CNTNAP2: variants seen among roughly 807,000 people sequenced by gnomAD.
The protein encoded by CNTNAP2 is contactin associated protein 2.
Under a neutral mutation model 155.2 loss-of-function variants are expected in CNTNAP2, and 98 were observed. That is an observed-to-expected ratio of 0.63 (90% CI 0.54 to 0.75). The LOEUF is 0.75. Among genes scored for constraint, CNTNAP2 ranks in the 30% least tolerant of loss-of-function variants. The probability of loss-of-function intolerance (pLI) is 0.00; values close to 1 mark genes in which losing one functional copy is unlikely to be tolerated. For synonymous variants in CNTNAP2, 651 were observed against 631.2 expected (o/e 1.03, Z -0.47); for missense variants, 1,727 against 1,688.1 (o/e 1.02, Z -0.40).
At chr7:147,987,627 G>A (rs2116877855) in intron 15 of CNTNAP2, among the ~76,000 whole-genome samples, 1 of 152,322 alleles carries the variant, frequency 6.6e-6, no homozygotes, top group East Asian at 1.9e-4. Flanking sequence ...GAAGTCCTGA[G>A]AATGTGTGCC....
At chr7:147,798,066 T>C (rs1180088541) in intron 13 of CNTNAP2, among the ~76,000 whole-genome samples, 1 of 152,198 alleles carries the variant, frequency 6.6e-6, no homozygotes, top group Non-Finnish European at 1.5e-5. Context: ...AATGCGTTAG[T>C]AGGGCATATA....
In CNTNAP2 at chr7:148,203,669, C is replaced by T. The variant is rs1228234054; in HGVS notation, c.3011-13619C>T. On this transcript the variant is annotated intron_variant, in intron 18 of 23. Coordinates refer to ENST00000361727, the MANE Select transcript of CNTNAP2 (RefSeq NM_014141.6). ...CTGAAGCACAAGAATCGCTTGAACC[C>T]GGTAGGCAGAGGTTGCAGTGAGCCA... Among the ~76,000 whole-genome samples, 6 of 152,070 alleles carry T rather than the reference C, an allele frequency of 3.9e-5. No homozygotes were observed. The East Asian group carries it at 7.7e-4, about 20-fold the overall frequency.
intron 16 of CNTNAP2, among the ~76,000 whole-genome samples, chr7:148,137,561 T>C (rs990841075): frequency 2.0e-5 from 3 of 151,650 alleles, no homozygotes; most frequent in Non-Finnish European, 2.9e-5. Context: ...ACTCGGGAGG[T>C]TGAGGCAGGA....
chr7:146,256,816 A>T, intron 1 of CNTNAP2, among the ~76,000 whole-genome samples: 1 of 152,142 alleles, frequency 6.6e-6, no homozygotes, highest in African/African-American at 2.4e-5. Flanking sequence ...TTGAAATATC[A>T]AATAAAATGT....
chr7:146,449,641 CA>C (rs1211185280), intron 1 of CNTNAP2, among the ~76,000 whole-genome samples: 2 of 152,072 alleles, frequency 1.3e-5, no homozygotes, highest in African/African-American at 4.8e-5. Flanking sequence ...ATCACAAACA[CA>C]TATGTGATAA....
At chr7:146,831,357 T>A (rs1404180535) in intron 2 of CNTNAP2, among the ~76,000 whole-genome samples, 1 of 152,096 alleles carries the variant, frequency 6.6e-6, no homozygotes, top group African/African-American at 2.4e-5. Flanking sequence ...TCCTTGGGGT[T>A]ATAATCTGAA....
At chr7:147,618,731 A>T (rs943068235) in intron 12 of CNTNAP2, among the ~76,000 whole-genome samples, 5 of 150,730 alleles carry the variant, frequency 3.3e-5, no homozygotes, top group Admixed American at 2.0e-4. Context: ...ACACACACAC[A>T]CTTATACGAT....
intron 1 of CNTNAP2, among the ~76,000 whole-genome samples, chr7:146,711,737 A>G (rs1361398169): frequency 6.8e-6 from 1 of 146,042 alleles, no homozygotes; most frequent in African/African-American, 2.4e-5. Flanking sequence ...ATGTATACAT[A>G]TATAGTATAC....
chr7:147,697,658 A>G (rs1183498628), intron 13 of CNTNAP2, among the ~76,000 whole-genome samples: 1 of 152,174 alleles, frequency 6.6e-6, no homozygotes, highest in African/African-American at 2.4e-5. Flanking sequence ...AGTTTCCGCC[A>G]ACCCCTTTAC....
chr7:146,996,653 A>G (rs1798312751), intron 3 of CNTNAP2, among the ~76,000 whole-genome samples: 1 of 152,130 alleles, frequency 6.6e-6, no homozygotes, highest in South Asian at 2.1e-4. Flanking sequence ...TGTCAGCTGC[A>G]AACAAGGATA....
intron 13 of CNTNAP2, among the ~76,000 whole-genome samples, chr7:147,882,250 C>T (rs1799533718): frequency 1.3e-5 from 2 of 152,100 alleles, no homozygotes; most frequent in Admixed American, 1.3e-4. Context: ...AGAAATGGAA[C>T]GTTATGATCA....
At chr7:146,540,036 C>A (rs1210831942) in intron 1 of CNTNAP2, among the ~76,000 whole-genome samples, 1 of 151,946 alleles carries the variant, frequency 6.6e-6, no homozygotes, top group Non-Finnish European at 1.5e-5. Context: ...ATTTTTAAGG[C>A]GTCTTGCAAG....
At chr7:147,023,609 C>A (rs1798852332) in intron 3 of CNTNAP2, among the ~76,000 whole-genome samples, 1 of 152,146 alleles carries the variant, frequency 6.6e-6, no homozygotes, top group African/African-American at 2.4e-5. Context: ...CCCTAGCAAC[C>A]ACTAATTTCT....
At chr7:147,786,779 G>A (rs889278088) in intron 13 of CNTNAP2, among the ~76,000 whole-genome samples, 1 of 152,102 alleles carries the variant, frequency 6.6e-6, no homozygotes, top group African/African-American at 2.4e-5. Context: ...ACCAGCCTGG[G>A]CCACACTGCA....
chr7:147,469,751 C>T (rs1039855513), intron 10 of CNTNAP2, among the ~76,000 whole-genome samples: 4 of 151,936 alleles, frequency 2.6e-5, no homozygotes, highest in Admixed American at 6.6e-5. Context: ...ATCTCCTGAC[C>T]TCGTGATCCG....
At chr7:146,774,865 A>G (rs1802360994) in intron 2 of CNTNAP2, among the ~76,000 whole-genome samples, 1 of 152,194 alleles carries the variant, frequency 6.6e-6, no homozygotes, top group Non-Finnish European at 1.5e-5. Flanking sequence ...AAATCTGTGT[A>G]AAAAATCGTT....
intron 9 of CNTNAP2, among the ~76,000 whole-genome samples, chr7:147,370,820 TA>T (rs1344665829): frequency 6.6e-6 from 1 of 152,178 alleles, no homozygotes; most frequent in African/African-American, 2.4e-5. Context: ...CTTATTTTTT[TA>T]ATTAGAAATT....
chr7:146,239,149 T>C (rs1308582612), intron 1 of CNTNAP2, among the ~76,000 whole-genome samples: 3 of 152,220 alleles, frequency 2.0e-5, no homozygotes, highest in African/African-American at 7.2e-5. Context: ...ATGATTACTC[T>C]TAAATTAGTA....
intron 1 of CNTNAP2, among the ~76,000 whole-genome samples, chr7:146,732,639 C>T (rs1439443702): frequency 6.6e-6 from 1 of 152,066 alleles, no homozygotes; most frequent in African/African-American, 2.4e-5. Flanking sequence ...ATTTGGCCAT[C>T]ATACCAAAAA....
Sources: gnomAD v4.1 joint callset for allele counts (sites outside exome capture counted in the v4.1 genomes callset) on GRCh38, gnomAD v4.1.1 for gene constraint, MANE v1.5 for transcripts, NCBI Gene and HGNC (gene_info 2026-07-23, HGNC 2026-07-21) for gene names.